Variants in COL4A4 observed in about 807,000 individuals in gnomAD.
COL4A4 encodes the protein collagen type IV alpha 4 chain.
A neutral mutation model predicts 192.9 loss-of-function variants in COL4A4; 105 were observed. The observed-to-expected ratio is 0.54, with a 90% CI of 0.46 to 0.64. The LOEUF (loss-of-function observed/expected upper bound fraction) is 0.64, where lower values mean the gene tolerates loss of function less well. Among genes scored for constraint, COL4A4 ranks in the 30% least tolerant of loss-of-function variants. COL4A4 has a pLI of 0.00. For synonymous variants in COL4A4, 762 were observed against 769.9 expected, an observed-to-expected ratio of 0.99 and a Z score of 0.17; for missense variants, 1,967 against 2,169.3, an observed-to-expected ratio of 0.91 and a Z score of 1.85.
At chr2:227,000,672 A>G (rs1033983905), downstream of COL4A4, among the ~76,000 whole-genome samples, 7 of 152,118 alleles carry the variant, frequency 4.6e-5, no homozygotes, top group African/African-American at 1.7e-4. Flanking sequence ...AGCTCAGAGC[A>G]GTTGCCCTAA....
At chr2:226,979,681 G>A in the COL4A4 span, among the ~76,000 whole-genome samples, 1 of 152,198 alleles carries the variant, frequency 6.6e-6, no homozygotes, top group African/African-American at 2.4e-5. Context: ...CAATCCACTG[G>A]ATGGTGCCCA....
chr2:227,081,397 C>T (rs2059318581), intron 23 of COL4A4, among the ~76,000 whole-genome samples: 1 of 152,190 alleles, frequency 6.6e-6, no homozygotes, highest in Admixed American at 6.5e-5. Context: ...CATCAGTCTC[C>T]AGGTTCTTCG....
chr2:227,028,339 G>A (rs1044168731), intron 41 of COL4A4, among the ~76,000 whole-genome samples: 3 of 152,112 alleles, frequency 2.0e-5, no homozygotes, highest in Admixed American at 1.3e-4. Flanking sequence ...TTCAATATCC[G>A]GGAACAACGT....
chr2:227,072,283 C>T (rs1362532430), intron 25 of COL4A4, among the ~76,000 whole-genome samples: 2 of 151,770 alleles, frequency 1.3e-5, no homozygotes, highest in Non-Finnish European at 2.9e-5. Flanking sequence ...CCTTTATGTA[C>T]ACAAACTAGG....
At chr2:227,049,425 G>A (rs994724368) in intron 34 of COL4A4, among the ~76,000 whole-genome samples, 1 of 152,194 alleles carries the variant, frequency 6.6e-6, no homozygotes, top group Admixed American at 6.5e-5. Flanking sequence ...TATAGCCTAT[G>A]GCTGCTTTCA....
Position 227,094,137 on chromosome 2 carries a change from G to A in COL4A4, c.1357C>T (p.Pro453Ser), listed in dbSNP as rs1436290027. The change falls in exon 20 of 48, where the codon CCA (proline) becomes TCA (serine). Residue 453 changes from proline to serine, a missense_variant. By Grantham distance (74) the Pro-to-Ser change is moderately conservative. Coordinates refer to ENST00000396625, the MANE Select transcript of COL4A4 (RefSeq NM_000092.5). ...AGGAGTACTTTACCACTTGATCCTG[G>A]GAGGCCCTGCAGGCCTGGTGCTCCA... The part of the protein sequence containing the change: ...LPGAPGLQGL[P>S]GSSVIYCSVG... 6.2e-7 allele frequency: 1 copy of A among 1,613,662 alleles called. No homozygotes were observed. The highest frequency in any genetic ancestry group is 1.3e-5 in the African/African-American group (1 of 75,006).
At chr2:227,016,398 C>T (rs543885317) in intron 44 of COL4A4, among the ~76,000 whole-genome samples, 2 of 152,268 alleles carry the variant, frequency 1.3e-5, no homozygotes, top group South Asian at 4.2e-4. Flanking sequence ...AAGCTTCTTA[C>T]GGTCTCTATA....
intron 2 of COL4A4, 170 bp downstream of exon 2, chr2:227,147,243 G>A (rs1468967062): frequency 5.4e-6 from 4 of 740,056 alleles, no homozygotes; most frequent in African/African-American, 5.2e-5. Context: ...AAATTGAGAG[G>A]GTTGGTGTTC....
intron 1 of COL4A4, among the ~76,000 whole-genome samples, chr2:227,148,652 A>G (rs1576882416): frequency 6.6e-6 from 1 of 152,264 alleles, no homozygotes; most frequent in Non-Finnish European, 1.5e-5. Flanking sequence ...GATAAAATTT[A>G]ATTTTATCAA....
downstream of COL4A4, chr2:227,002,624 G>C (rs1012279865): frequency 6.6e-6 from 1 of 152,508 alleles, no homozygotes; most frequent in African/African-American, 2.4e-5. Flanking sequence ...ACTTCCACAA[G>C]TGTGAGCCAC....
intron 26 of COL4A4, among the ~76,000 whole-genome samples, chr2:227,061,904 T>C (rs181979906): frequency 1.3e-5 from 2 of 152,306 alleles, no homozygotes; most frequent in African/African-American, 4.8e-5. Context: ...CAAGTGATCA[T>C]GATTCACTCT....
rs761528354 is a variant in COL4A4 at position 227,109,279 on chromosome 2, C to G, written c.602G>C (p.Trp201Ser). 1.2e-6 allele frequency: 2 copies of G among 1,613,986 alleles called. No individual in the cohort carries two copies. Among genetic ancestry groups the G allele is most frequent in the Non-Finnish European group, 1.7e-6 (2 of 1,179,830 alleles). ...DPGLPGLPGS[W>S]GAGGPAGPTG... Reference sequence around the variant, plus strand: ...GGGACCTGCCGGTCCTCCTGCACCCCAAGATCCCTAAACATGAGAAAAATC... The same window carrying G: ...GGGACCTGCCGGTCCTCCTGCACCCGAAGATCCCTAAACATGAGAAAAATC... The change falls in exon 10 of 48, where the codon TGG becomes TCG. Residue 201 changes from tryptophan to serine, a missense_variant. Coordinates refer to ENST00000396625, the MANE Select transcript of COL4A4 (RefSeq NM_000092.5).
the COL4A4 span, among the ~76,000 whole-genome samples, chr2:226,975,413 C>G: frequency 6.6e-6 from 1 of 152,092 alleles, no homozygotes; most frequent in Non-Finnish European, 1.5e-5. Context: ...AACTCAATGA[C>G]AGTTTGCTTT....
chr2:227,155,227 T>A (rs1046281762), intron 1 of COL4A4, among the ~76,000 whole-genome samples: 1 of 151,712 alleles, frequency 6.6e-6, no homozygotes, highest in East Asian at 1.9e-4. Context: ...TTGAGACTGC[T>A]GCAGAGTCCT....
chr2:226,994,198 G>T, the COL4A4 span, among the ~76,000 whole-genome samples: 839 of 152,294 alleles, frequency 5.5e-3, 10 homozygotes, highest in African/African-American at 0.019. Flanking sequence ...AGCAGGTGCT[G>T]TTGAGTCAAG....
intron 4 of COL4A4, among the ~76,000 whole-genome samples, chr2:227,128,558 G>A (rs1394157362): frequency 6.6e-6 from 1 of 152,094 alleles, no homozygotes; most frequent in Admixed American, 6.5e-5. Flanking sequence ...TCACTGAAGA[G>A]AGTAACTCTG....
At position 227,077,959 on chromosome 2, in the gene COL4A4, C is replaced by T. The variant is rs772264905; in HGVS notation, c.1922G>A (p.Arg641Gln). The T allele has an allele frequency of 9.3e-6, 15 of 1,613,664 alleles. 1 individual carries two copies. Among genetic ancestry groups the T allele is most frequent in the Middle Eastern group, 3.4e-4 (2 of 5,810 alleles). Residue 641 changes from arginine (R) to glutamine (Q), a missense_variant, in exon 25 of 48, where the codon CGA becomes CAA. By Grantham distance (43) the Arg-to-Gln change is conservative (BLOSUM62 1). Coordinates refer to ENST00000396625, the MANE Select transcript of COL4A4 (RefSeq NM_000092.5). ...GTGGCCTGGAACTCCTGGGTGGCCT[C>T]GCTCTCCTGGTGGACCAGGAAATCC... ...GLGFPGPPGE[R>Q]GHPGVPGHPG...
chr2:227,114,486 G>T (rs2061381406), intron 8 of COL4A4, 142 bp downstream of exon 8: 2 of 758,196 alleles, frequency 2.6e-6, no homozygotes, highest in African/African-American at 1.7e-5. Flanking sequence ...AAAGCATGAT[G>T]CCATCCCTGA....
At chr2:227,030,722 A>T (rs1968106566) in intron 40 of COL4A4, 124 bp from the exon 41 acceptor site, 1 of 679,058 alleles carries the variant, frequency 1.5e-6, no homozygotes, top group Non-Finnish European at 2.4e-6. Flanking sequence ...GAGAATTAGA[A>T]GAATAAGAAA....
Sources: gnomAD v4.1 joint callset for allele counts (sites outside exome capture counted in the v4.1 genomes callset) on GRCh38, gnomAD v4.1.1 for gene constraint, MANE v1.5 for transcripts, NCBI Gene and HGNC (gene_info 2026-07-23, HGNC 2026-07-21) for gene names.